Variants in SLC35G2 observed in about 807,000 individuals in gnomAD.
SLC35G2 encodes solute carrier family 35 member G2.
In SLC35G2, 20 loss-of-function variants were observed where a neutral mutation model predicts 27.2. That is an observed-to-expected ratio of 0.74 (90% confidence interval 0.52 to 1.07). SLC35G2 has a LOEUF of 1.07. SLC35G2 is among the 50% of genes least tolerant of loss of function. The probability of loss-of-function intolerance (pLI) is 0.00; values close to 1 mark genes in which losing one functional copy is unlikely to be tolerated. For synonymous variants in SLC35G2, 148 were observed against 165.3 expected (o/e 0.90, Z 0.80); for missense variants, 416 against 493.3 (o/e 0.84, Z 1.48).
At chr3:136,840,758 G>A (rs932843690) in intron 1 of SLC35G2, among the ~76,000 whole-genome samples, 2 of 151,760 alleles carry the variant, frequency 1.3e-5, no homozygotes, top group African/African-American at 4.8e-5. Context: ...CTGGTAGCTG[G>A]GACTATAGGC....
chr3:136,831,688 C>T (rs1936732772), intron 1 of SLC35G2, among the ~76,000 whole-genome samples: 2 of 152,158 alleles, frequency 1.3e-5, no homozygotes, highest in African/African-American at 4.8e-5. Context: ...CTGATAATCT[C>T]AAGTTGTAAA....
intron 1 of SLC35G2, among the ~76,000 whole-genome samples, chr3:136,847,068 G>A (rs1247407292): frequency 6.6e-6 from 1 of 152,092 alleles, no homozygotes; most frequent in East Asian, 1.9e-4. Flanking sequence ...TCTGGAGGCT[G>A]AGGGAGGCTG....
intron 1 of SLC35G2, among the ~76,000 whole-genome samples, chr3:136,820,999 A>T (rs1039993384): frequency 5.1e-4 from 77 of 152,332 alleles, no homozygotes; most frequent in Middle Eastern, 3.4e-3. Context: ...TAATCTTAAC[A>T]TATGACTAAA....
chr3:136,824,698 A>G (rs1936542182), intron 1 of SLC35G2, among the ~76,000 whole-genome samples: 1 of 152,204 alleles, frequency 6.6e-6, no homozygotes, highest in Non-Finnish European at 1.5e-5. Flanking sequence ...ATTTGCAAAC[A>G]AGGATAATTT....
chr3:136,831,565 T>C (rs1025716859), intron 1 of SLC35G2, among the ~76,000 whole-genome samples: 5 of 152,172 alleles, frequency 3.3e-5, no homozygotes. Flanking sequence ...TGTTCTAGAA[T>C]CCAGAGAATG....
chr3:136,835,438 A>G (rs1936841571), intron 1 of SLC35G2, among the ~76,000 whole-genome samples: 1 of 151,606 alleles, frequency 6.6e-6, no homozygotes, highest in African/African-American at 2.4e-5. Context: ...CAAATGTATC[A>G]TATTAAAAGG....
Position 136,854,468 on chromosome 3 carries a change from C to A in SLC35G2, c.8C>A (p.Thr3Asn). 1.3e-6 allele frequency: 2 copies of A among 1,573,270 alleles called. No homozygotes were observed. Among genetic ancestry groups the A allele is most frequent in the Non-Finnish European group, 1.7e-6 (2 of 1,159,478 alleles). Reference sequence around the variant, plus strand: ...AATTGATTATCTGAAGAAATGGATACTTCTCCCTCCAGAAAATATCCAGTT... The same window carrying A: ...AATTGATTATCTGAAGAAATGGATAATTCTCCCTCCAGAAAATATCCAGTT... Reference protein sequence around the residue: MDTSPSRKYPVKK... With the variant: MDNSPSRKYPVKK... Residue 3 changes from threonine to asparagine, a missense_variant, in exon 2 of 2, where the codon ACT (threonine) becomes AAT (asparagine). Physicochemically the swap from Thr to Asn is moderately conservative, Grantham distance 65. Coordinates refer to ENST00000446465, the MANE Select transcript of SLC35G2 (RefSeq NM_025246.3).
intron 1 of SLC35G2, among the ~76,000 whole-genome samples, chr3:136,853,886 C>T (rs1937814083): frequency 6.6e-6 from 1 of 152,162 alleles, no homozygotes; most frequent in South Asian, 2.1e-4. Context: ...ATGAGTGTTA[C>T]TAAATTCATG....
At chr3:136,833,152 C>T (rs1240880788) in intron 1 of SLC35G2, among the ~76,000 whole-genome samples, 1 of 151,314 alleles carries the variant, frequency 6.6e-6, no homozygotes, top group East Asian at 1.9e-4. Flanking sequence ...AATTGAAAAC[C>T]CAGGGGCTAT....
rs144627092 is a variant in SLC35G2, at chr3:136,855,506, C to T, written c.1046C>T (p.Thr349Ile). 4.2e-5 allele frequency: 68 copies of T among 1,613,988 alleles called. No individual in the cohort carries two copies. Among genetic ancestry groups the T allele is most frequent in the Non-Finnish European group, 5.1e-5 (60 of 1,180,004 alleles). ...LDKFHPALVS[T>I]VQHLEIVVAM... ...AAATTCCATCCAGCTTTGGTTAGCA[C>T]AGTACAACATTTGGAGATTGTGGTA... Residue 349 changes from threonine (T) to isoleucine (I), a missense_variant, in exon 2 of 2, where the codon ACA (threonine) becomes ATA (isoleucine). Thr to Ile is a moderately conservative substitution (Grantham distance 89). Coordinates refer to ENST00000446465, the MANE Select transcript of SLC35G2 (RefSeq NM_025246.3).
chr3:136,844,834 A>G (rs906401882), intron 1 of SLC35G2, among the ~76,000 whole-genome samples: 2 of 151,674 alleles, frequency 1.3e-5, no homozygotes, highest in Admixed American at 6.6e-5. Context: ...AAAACAAGAC[A>G]AAACATTCTT....
chr3:136,835,042 C>T (rs1576893670), intron 1 of SLC35G2, among the ~76,000 whole-genome samples: 1 of 152,170 alleles, frequency 6.6e-6, no homozygotes, highest in Non-Finnish European at 1.5e-5. Context: ...AGGACCCTCT[C>T]CTGCATAACC....
Position 136,855,134 on chromosome 3 carries a change from C to T in SLC35G2, c.674C>T (p.Thr225Ile). ...AAAATGGCTTATGTTGACATGGCTA[C>T]AGTTGTTTGCAGCATCTTAGGTGTT... is the stretch of plus-strand genomic sequence containing the variant. ...DEKMAYVDMA[T>I]VVCSILGVCL... Residue 225 changes from threonine to isoleucine, a missense_variant, in exon 2 of 2, where the codon ACA (threonine) becomes ATA (isoleucine). By Grantham distance (89) the Thr-to-Ile change is moderately conservative. Transcript: ENST00000446465. 1 of 1,614,154 alleles carries T rather than the reference C, an allele frequency of 6.2e-7. No homozygotes were observed. The highest frequency in any genetic ancestry group is 8.5e-7 in the Non-Finnish European group (1 of 1,180,028).
intron 1 of SLC35G2, among the ~76,000 whole-genome samples, chr3:136,845,745 G>A (rs12491729): frequency 0.68 from 102,485 of 150,920 alleles, 35,035 homozygotes; most frequent in East Asian, 0.87. Context: ...ATAGGTGCGC[G>A]CCATCACGTC....
chr3:136,824,264 A>C (rs977658302), intron 1 of SLC35G2, among the ~76,000 whole-genome samples: 2 of 152,042 alleles, frequency 1.3e-5, no homozygotes, highest in African/African-American at 4.8e-5. Context: ...GAAGAATGTC[A>C]TTGCTATTTA....
chr3:136,821,040 A>G (rs527402309), intron 1 of SLC35G2, among the ~76,000 whole-genome samples: 2 of 152,184 alleles, frequency 1.3e-5, no homozygotes, highest in Non-Finnish European at 2.9e-5. Context: ...TTTTAAATAT[A>G]TTGGTGGTAT....
At chr3:136,838,552 G>T (rs1023827098) in intron 1 of SLC35G2, 1 of 152,114 alleles carries the variant, frequency 6.6e-6, no homozygotes, top group Non-Finnish European at 1.5e-5. Flanking sequence ...AGAATCAACG[G>T]TGTCAATAGT....
chr3:136,831,207 C>G (rs1936722515), intron 1 of SLC35G2, among the ~76,000 whole-genome samples: 1 of 152,190 alleles, frequency 6.6e-6, no homozygotes. Flanking sequence ...TAGATACTCA[C>G]ATTGCTTTTT....
chr3:136,853,094 T>TTTTTG (rs1249157669), intron 1 of SLC35G2, among the ~76,000 whole-genome samples: 3 of 151,912 alleles, frequency 2.0e-5, no homozygotes, highest in East Asian at 1.9e-4. Flanking sequence ...GTGGACATCG[T>TTTTTG]TTTTGTTTTG....
Sources: allele counts gnomAD v4.1 joint callset (sites outside exome capture counted in the v4.1 genomes callset), GRCh38; gene constraint gnomAD v4.1.1; transcripts MANE v1.5; gene names NCBI Gene and HGNC (gene_info 2026-07-23, HGNC 2026-07-21).